Variants in SPECC1 observed in about 807,000 individuals in gnomAD.
SPECC1 encodes sperm antigen with calponin homology and coiled-coil domains 1.
In SPECC1, 62 loss-of-function variants were observed where a neutral mutation model predicts 104.1. The observed-to-expected ratio is 0.60, with a 90% CI of 0.49 to 0.74. The LOEUF (loss-of-function observed/expected upper bound fraction) is 0.74. SPECC1 is among the 30% of genes least tolerant of loss of function. The pLI is 0.00. For missense variants in SPECC1, 1,306 were observed against 1,310.5 expected (o/e 1.00, Z 0.05); for synonymous variants, 513 against 501.6 (o/e 1.02, Z -0.30).
At chr17:20,182,358 C>G (rs1347803971) in intron 3 of SPECC1, among the ~76,000 whole-genome samples, 1 of 152,062 alleles carries the variant, frequency 6.6e-6, no homozygotes, top group Non-Finnish European at 1.5e-5. Context: ...TCAAGTAATC[C>G]GCCTTCATTG....
chr17:20,051,112 CTTTCTTTCTTTCT>C (rs2045747194), intron 1 of SPECC1, among the ~76,000 whole-genome samples: 6 of 131,428 alleles, frequency 4.6e-5, no homozygotes, highest in Non-Finnish European at 7.9e-5. Flanking sequence ...TTCTTTCTTT[CTTTCTTTCTTTCT>C]TTCTTTCTTT....
chr17:20,149,813 G>A (rs1326519557), intron 3 of SPECC1, among the ~76,000 whole-genome samples: 2 of 152,020 alleles, frequency 1.3e-5, no homozygotes, highest in African/African-American at 2.4e-5. Flanking sequence ...CACCCTCTCA[G>A]TCATTTTCTA....
In SPECC1 at chr17:20,051,074, TTCTTTCTTTCTTTCTTTC is replaced by T. The variant is rs1218607435; in HGVS notation, c.-22+41652_-22+41669del. ...TCTTTCTTTCTTTCTTTCTTTTTCT[TTCTTTCTTTCTTTCTTTC>T]TTTCTTTCTTTCTTTCTTTCTTTCT... On this transcript the variant is annotated intron_variant, in intron 1 of 14. Coordinates refer to ENST00000395527, the MANE Select transcript of SPECC1 (RefSeq NM_001243439.2). Among the ~76,000 whole-genome samples the T allele has an allele frequency of 2.3e-3, 146 of 64,304 alleles. 2 individuals are homozygous for T. The highest frequency in any genetic ancestry group is 3.5e-3 in the Admixed American group (23 of 6,486). 42.2% of individuals were successfully genotyped at this position (64,304 alleles called of 152,430 possible). A position where few individuals can be genotyped will look rare whatever the true frequency, so the allele number is the denominator to read the frequency against.
At chr17:20,042,638 T>C (rs2045378712) in intron 1 of SPECC1, among the ~76,000 whole-genome samples, 1 of 152,216 alleles carries the variant, frequency 6.6e-6, no homozygotes, top group Non-Finnish European at 1.5e-5. Context: ...TGCTCAGTTA[T>C]TGCTGGTAAA....
At chr17:20,202,282 G>C (rs1017104344) in intron 3 of SPECC1, among the ~76,000 whole-genome samples, 1 of 151,874 alleles carries the variant, frequency 6.6e-6, no homozygotes, top group African/African-American at 2.4e-5. Flanking sequence ...ATCTCTGTGG[G>C]AGCAGTTCCT....
chr17:20,185,982 C>T (rs978135709), intron 3 of SPECC1, among the ~76,000 whole-genome samples: 5 of 152,154 alleles, frequency 3.3e-5, no homozygotes, highest in South Asian at 2.1e-4. Flanking sequence ...GGACTACAGG[C>T]GTGTGCCACC....
At chr17:20,248,905 T>C (rs1054363057) in intron 9 of SPECC1, among the ~76,000 whole-genome samples, 1 of 152,226 alleles carries the variant, frequency 6.6e-6, no homozygotes, top group Non-Finnish European at 1.5e-5. Context: ...TTTCTAGCTA[T>C]TAGATGATTA....
At chr17:20,025,521 C>G (rs1006170098) in intron 1 of SPECC1, among the ~76,000 whole-genome samples, 1 of 152,150 alleles carries the variant, frequency 6.6e-6, no homozygotes, top group African/African-American at 2.4e-5. Context: ...CGAGATTCAT[C>G]CTTGTAGCAT....
intron 12 of SPECC1, among the ~76,000 whole-genome samples, chr17:20,285,561 A>G (rs958615569): frequency 6.6e-6 from 1 of 152,166 alleles, no homozygotes; most frequent in African/African-American, 2.4e-5. Context: ...TATCCTGGGA[A>G]AAGTTAATTT....
intron 3 of SPECC1, among the ~76,000 whole-genome samples, chr17:20,186,385 C>A (rs1262141562): frequency 6.6e-6 from 1 of 152,002 alleles, no homozygotes; most frequent in East Asian, 1.9e-4. Context: ...CGAAGTAAGC[C>A]CATTCTGTTG....
At chr17:20,141,911 T>C (rs1011078739) in intron 3 of SPECC1, among the ~76,000 whole-genome samples, 1 of 152,242 alleles carries the variant, frequency 6.6e-6, no homozygotes, top group African/African-American at 2.4e-5. Context: ...TGTTCAAGTT[T>C]CTCTTGGTTT....
chr17:20,244,542 T>C (rs545071841), intron 7 of SPECC1, among the ~76,000 whole-genome samples: 1 of 152,232 alleles, frequency 6.6e-6, no homozygotes, highest in Non-Finnish European at 1.5e-5. Context: ...TGTAAGGCAG[T>C]GTGGTTTAAC....
intron 4 of SPECC1, among the ~76,000 whole-genome samples, chr17:20,226,907 G>T (rs1239749332): frequency 6.6e-6 from 1 of 152,046 alleles, no homozygotes; most frequent in Non-Finnish European, 1.5e-5. Context: ...TGGCTTCAGG[G>T]TTGTTGTTCA....
intron 3 of SPECC1, chr17:20,112,448 C>G (rs1226900191): frequency 1.3e-6 from 1 of 765,466 alleles, no homozygotes; most frequent in Non-Finnish European, 2.4e-6. Flanking sequence ...CTGATTTTTG[C>G]TGGCAACTTC....
At chr17:20,239,145 CAG>C in intron 7 of SPECC1, 1 of 1,027,602 alleles carries the variant, frequency 9.7e-7, no homozygotes, top group Non-Finnish European at 1.2e-6. Flanking sequence ...TCTAGGGTCT[CAG>C]AAAATATAGC....
At chr17:20,289,252 C>T (rs1484155848) in intron 12 of SPECC1, among the ~76,000 whole-genome samples, 1 of 152,204 alleles carries the variant, frequency 6.6e-6, no homozygotes, top group Non-Finnish European at 1.5e-5. Flanking sequence ...GTCCCTCCCA[C>T]AACACTTGAG....
chr17:20,300,475 C>T (rs569657373), intron 13 of SPECC1, among the ~76,000 whole-genome samples: 19 of 152,396 alleles, frequency 1.2e-4, no homozygotes, highest in Admixed American at 2.6e-4. Flanking sequence ...GAAGCCCACA[C>T]ATGCACACAC....
At chr17:20,227,030 G>A (rs2038259258) in intron 4 of SPECC1, among the ~76,000 whole-genome samples, 1 of 127,270 alleles carries the variant, frequency 7.9e-6, no homozygotes, top group Non-Finnish European at 1.7e-5. Context: ...TGCTCTCCCA[G>A]GGAAGCACTG....
intron 10 of SPECC1, among the ~76,000 whole-genome samples, chr17:20,254,182 T>TGTGTGTGTGTGTGTGTG (rs1231460674): frequency 6.6e-6 from 1 of 151,630 alleles, no homozygotes; most frequent in African/African-American, 2.4e-5. Context: ...TGTGTATTTG[T>TGTGTGTGTGTGTGTGTG]TTTTTGTTTT....
Sources: gnomAD v4.1 joint callset for allele counts (sites outside exome capture counted in the v4.1 genomes callset) on GRCh38, gnomAD v4.1.1 for gene constraint, MANE v1.5 for transcripts, NCBI Gene and HGNC (gene_info 2026-07-23, HGNC 2026-07-21) for gene names.